RBFOX1: variants seen among roughly 807,000 people sequenced by gnomAD.
RBFOX1 encodes RNA binding fox-1 homolog 1, also known as RNA binding protein fox-1 homolog 1.
In RBFOX1, 8 loss-of-function variants were observed where a neutral mutation model predicts 57.7. The ratio of observed to expected loss-of-function variants is 0.14; its 90% CI spans 0.08 to 0.25. The LOEUF is 0.25. RBFOX1 is among the 10% of genes least tolerant of loss of function. The pLI is 1.00. For missense variants in RBFOX1, 611 were observed against 548.5 expected (o/e 1.11, Z -1.14); for synonymous variants, 326 against 222.4 (o/e 1.47, Z -4.15).
chr16:7,428,419 T>C (rs970588193), intron 4 of RBFOX1, among the ~76,000 whole-genome samples: 2 of 147,878 alleles, frequency 1.4e-5, no homozygotes, highest in Non-Finnish European at 3.0e-5. Flanking sequence ...TTTTGCCTCC[T>C]GGGTTCTAGT....
intron 1 of RBFOX1, among the ~76,000 whole-genome samples, chr16:6,170,021 G>A (rs147343224): frequency 6.8e-4 from 104 of 152,148 alleles, no homozygotes; most frequent in African/African-American, 2.3e-3. Context: ...CACCCACTTC[G>A]GCCTCCCAAA....
intron 3 of RBFOX1, among the ~76,000 whole-genome samples, chr16:6,807,968 T>C (rs1024333802): frequency 1.3e-5 from 2 of 150,492 alleles, no homozygotes; most frequent in East Asian, 3.9e-4. Flanking sequence ...ATATATAATA[T>C]GCGTATTGTA....
intron 1 of RBFOX1, among the ~76,000 whole-genome samples, chr16:5,429,263 C>T (rs752704981): frequency 5.9e-5 from 9 of 152,170 alleles, no homozygotes; most frequent in African/African-American, 1.7e-4. Context: ...GGCAGGTATT[C>T]AGCTCTCTGG....
rs148351334 is a variant in RBFOX1 at position 6,888,325 on chromosome 16, A to G, written c.-15-163732A>G. On this transcript the variant is annotated intron_variant, in intron 3 of 15. Coordinates refer to ENST00000550418, the MANE Select transcript of RBFOX1 (RefSeq NM_018723.4). The stretch of plus-strand genomic sequence containing the variant: ...CTTGAAAGTAGTTACACAGTTGGCA[A>G]TATACAATGAATCACTGAAGCTGTT... Among the ~76,000 whole-genome samples the G allele has an allele frequency of 6.4e-3, 981 of 152,324 alleles. 12 individuals are homozygous for G. Among genetic ancestry groups the G allele is most frequent in the African/African-American group, 0.022 (935 of 41,574 alleles).
chr16:5,332,471 C>T (rs1166545023), intron 1 of RBFOX1, among the ~76,000 whole-genome samples: 1 of 151,964 alleles, frequency 6.6e-6, no homozygotes, highest in Non-Finnish European at 1.5e-5. Flanking sequence ...ACCATGTTGG[C>T]CAGGCTGGTC....
rs190776565 is a variant in RBFOX1 at position 7,374,597 on chromosome 16, C to G, written c.28-143550C>G. On this transcript the variant is annotated intron_variant, in intron 4 of 15. Coordinates refer to ENST00000550418, the MANE Select transcript of RBFOX1 (RefSeq NM_018723.4). ...TTTTTAACCTGACAGGAAGATTAAT[C>G]TGCATGAGATGAAGGGTGATTGTCA... 5.9e-5 allele frequency among the ~76,000 whole-genome samples: 9 copies of G among 152,206 alleles called. 1 individual carries two copies. Among genetic ancestry groups the G allele is most frequent in the African/African-American group, 2.2e-4 (9 of 41,536 alleles).
intron 3 of RBFOX1, among the ~76,000 whole-genome samples, chr16:7,018,691 A>G (rs1055396564): frequency 2.6e-5 from 4 of 152,140 alleles, no homozygotes; most frequent in African/African-American, 9.7e-5. Flanking sequence ...CCTAATGTAA[A>G]TGACATGTTA....
At chr16:6,277,665 CAAAAAAAAA>C (rs60150908) in intron 1 of RBFOX1, among the ~76,000 whole-genome samples, 6 of 119,072 alleles carry the variant, frequency 5.0e-5, no homozygotes. Flanking sequence ...GACCTTGTCT[CAAAAAAAAA>C]AAAAAAAAAA....
intron 3 of RBFOX1, among the ~76,000 whole-genome samples, chr16:6,847,567 T>C (rs940224261): frequency 4.0e-5 from 6 of 151,860 alleles, no homozygotes; most frequent in African/African-American, 1.5e-4. Context: ...GTGTGGTCCA[T>C]GGTCAGTCGC....
rs1378132129 is a variant in RBFOX1 at position 5,642,676 on chromosome 16, G to T, written c.318+43715G>T. On this transcript the variant is annotated intron_variant, in intron 3 of 19. Coordinates refer to the RBFOX1 transcript ENST00000641259. Reference sequence around the variant, plus strand: ...ATAGAAGCTGGCTAGCCGATGAATGGGGAATTTACTAGAGGTAATTACAGA... The same window carrying T: ...ATAGAAGCTGGCTAGCCGATGAATGTGGAATTTACTAGAGGTAATTACAGA... 3.9e-5 allele frequency among the ~76,000 whole-genome samples: 6 copies of T among 152,284 alleles called. No homozygotes were observed. In the East Asian group the frequency reaches 1.2e-3, roughly 29 times the overall value.
intron 2 of RBFOX1, among the ~76,000 whole-genome samples, chr16:6,635,914 A>T (rs186415524): frequency 1.3e-5 from 2 of 152,270 alleles, no homozygotes; most frequent in African/African-American, 4.8e-5. Context: ...AGATTTTGGA[A>T]TATTGACACA....
intron 2 of RBFOX1, among the ~76,000 whole-genome samples, chr16:6,459,255 G>C (rs1007423434): frequency 2.0e-5 from 3 of 152,134 alleles, no homozygotes; most frequent in Admixed American, 1.3e-4. Context: ...AGAATGGCGT[G>C]AACCCGGGAG....
intron 2 of RBFOX1, among the ~76,000 whole-genome samples, chr16:6,458,101 T>A (rs1242279022): frequency 1.3e-5 from 2 of 152,110 alleles, no homozygotes; most frequent in Non-Finnish European, 2.9e-5. Flanking sequence ...GCTGGGGAAG[T>A]TTGAAGAAGG....
intron 3 of RBFOX1, among the ~76,000 whole-genome samples, chr16:5,660,543 T>A (rs1161450315): frequency 6.6e-6 from 1 of 152,254 alleles, no homozygotes; most frequent in African/African-American, 2.4e-5. Flanking sequence ...ACCCAGGTGC[T>A]ATTCTGATTG....
intron 2 of RBFOX1, among the ~76,000 whole-genome samples, chr16:6,414,085 T>C (rs900943423): frequency 2.6e-4 from 40 of 151,864 alleles, no homozygotes; most frequent in Admixed American, 8.5e-4. Flanking sequence ...CCAAGTACTG[T>C]GGAAAGGGGC....
chr16:6,813,250 T>G (rs1161406101), intron 3 of RBFOX1, among the ~76,000 whole-genome samples: 6 of 152,182 alleles, frequency 3.9e-5, no homozygotes, highest in Non-Finnish European at 7.3e-5. Flanking sequence ...GTTCCCCAGA[T>G]AGTATTCCAG....
chr16:6,802,859 C>T (rs1044219737), intron 3 of RBFOX1, among the ~76,000 whole-genome samples: 29 of 152,122 alleles, frequency 1.9e-4, no homozygotes, highest in Non-Finnish European at 2.9e-4. Context: ...ACTTAAGTTG[C>T]CTTTCTTTTA....
chr16:6,805,860 C>A (rs570126639), intron 3 of RBFOX1, among the ~76,000 whole-genome samples: 2 of 152,190 alleles, frequency 1.3e-5, no homozygotes, highest in African/African-American at 4.8e-5. Flanking sequence ...TACAGTCACA[C>A]TTGGCTCTTT....
chr16:7,337,926 G>T (rs1009996014), intron 4 of RBFOX1, among the ~76,000 whole-genome samples: 1 of 152,174 alleles, frequency 6.6e-6, no homozygotes, highest in Non-Finnish European at 1.5e-5. Context: ...CTCATGATCT[G>T]CCCGCCTTGG....
Sources: allele counts gnomAD v4.1 joint callset (sites outside exome capture counted in the v4.1 genomes callset), GRCh38; gene constraint gnomAD v4.1.1; transcripts MANE v1.5; gene names NCBI Gene and HGNC (gene_info 2026-07-23, HGNC 2026-07-21).